Variants in WWP2 observed in about 807,000 individuals in gnomAD.
WWP2 encodes the protein NEDD4-like E3 ubiquitin-protein ligase WWP2.
In WWP2, 57 loss-of-function variants were observed where a neutral mutation model predicts 121.0. The ratio of observed to expected loss-of-function variants is 0.47; its 90% CI spans 0.38 to 0.59. The LOEUF (loss-of-function observed/expected upper bound fraction) is 0.59. Among genes scored for constraint, WWP2 ranks in the 20% least tolerant of loss-of-function variants. WWP2 has a pLI of 0.00. For missense variants in WWP2, 962 were observed against 1,158.9 expected (o/e 0.83, Z 2.47); for synonymous variants, 449 against 441.3 (o/e 1.02, Z -0.22).
At chr16:69,805,703 C>T (rs1407894882) in intron 4 of WWP2, among the ~76,000 whole-genome samples, 1 of 151,674 alleles carries the variant, frequency 6.6e-6, no homozygotes, top group African/African-American at 2.4e-5. Flanking sequence ...CTCTACCTCC[C>T]AGGCTCAAGC....
At chr16:69,936,482 CA>C in intron 19 of WWP2, 30 bp downstream of exon 19, 1 of 1,612,574 alleles carries the variant, frequency 6.2e-7, no homozygotes, top group Non-Finnish European at 8.5e-7. Context: ...GGCTCCGCTC[CA>C]GGGGTGGCGT....
At chr16:69,860,676 CT>C (rs2057400855) in intron 6 of WWP2, among the ~76,000 whole-genome samples, 1 of 152,100 alleles carries the variant, frequency 6.6e-6, no homozygotes, top group African/African-American at 2.4e-5. Context: ...CTCCGTCCTG[CT>C]GAATTCCTGC....
chr16:69,898,645 CA>C (rs1464321918), intron 8 of WWP2, among the ~76,000 whole-genome samples: 2 of 152,008 alleles, frequency 1.3e-5, no homozygotes, highest in Non-Finnish European at 2.9e-5. Context: ...TATTTTTGTC[CA>C]TTTTTTATTT....
rs540609435 is a variant in WWP2, at chr16:69,938,268, C to A, written c.2343+616C>A. On this transcript the variant is annotated intron_variant, in intron 21 of 23. Transcript: ENST00000359154. ...GGCTCAAGCAGTCCTTCCATCTCAC[C>A]CTCCCAAAGTGCTGGGATTACAGGC... Among the ~76,000 whole-genome samples, 8 of 152,154 alleles carry A rather than the reference C, an allele frequency of 5.3e-5. No individual in the cohort carries two copies. In the East Asian group the frequency reaches 1.5e-3, roughly 29 times the overall value.
rs2058862208 is a variant in WWP2, at chr16:69,940,215, C to T, written c.*275C>T. The T allele has an allele frequency of 6.1e-6, 3 of 489,546 alleles. No individual in the cohort carries two copies. The highest frequency in any genetic ancestry group is 1.1e-5 in the Non-Finnish European group (3 of 274,150). 30.3% of individuals were successfully genotyped at this position (489,546 alleles called of 1,614,324 possible). A position where few individuals can be genotyped will look rare whatever the true frequency, so the allele number is the denominator to read the frequency against. On this transcript the variant is annotated 3_prime_UTR_variant, in exon 24 of 24. Coordinates refer to ENST00000359154, the MANE Select transcript of WWP2 (RefSeq NM_001270454.2). ...GCTGACCCTCTCTGCAAAACTCTCC[C>T]CTGTCCTCTAGACCCCACCCTGGGT...
At chr16:69,906,976 GAC>G (rs1227779638) in intron 8 of WWP2, among the ~76,000 whole-genome samples, 1 of 152,194 alleles carries the variant, frequency 6.6e-6, no homozygotes, top group Admixed American at 6.5e-5. Flanking sequence ...ATTTGTCAAT[GAC>G]ACATTAAAAA....
intron 4 of WWP2, among the ~76,000 whole-genome samples, chr16:69,805,418 T>C: frequency 6.6e-6 from 1 of 152,174 alleles, no homozygotes; most frequent in East Asian, 1.9e-4. Context: ...TTTGTGTTAG[T>C]TGCTTTGCAT....
chr16:69,812,476 CCT>C (rs1567679789), intron 4 of WWP2, among the ~76,000 whole-genome samples: 20 of 125,830 alleles, frequency 1.6e-4, no homozygotes, highest in Non-Finnish European at 1.8e-4. Context: ...CAACCCCCCC[CCT>C]TTTTTTTTTT....
chr16:69,926,790 A>G (rs181326491), intron 11 of WWP2, among the ~76,000 whole-genome samples: 4 of 152,312 alleles, frequency 2.6e-5, no homozygotes, highest in African/African-American at 7.2e-5. Context: ...AGCAACTCCA[A>G]TGCGAGAGAG....
rs1474912640 is a variant in WWP2 at position 69,861,662 on chromosome 16, T to C, written c.576-10142T>C. On this transcript the variant is annotated intron_variant, in intron 6 of 23. Transcript: ENST00000359154. ...GCCCTCTCCTTTTTTTTTTTTTTTC[T>C]AATCCACATTTGAGTGGGGAGGAAG... Among the ~76,000 whole-genome samples, 5 of 137,296 alleles carry C rather than the reference T, an allele frequency of 3.6e-5. No individual in the cohort carries two copies. The East Asian group carries it at 8.9e-4, about 25-fold the overall frequency. The allele number at this position is 137,296 out of a possible 152,430, so 90.1% of individuals were successfully genotyped here.
chr16:69,820,313 C>T lies in WWP2; in HGVS notation c.341-19813C>T, dbSNP rs970187760. Among the ~76,000 whole-genome samples, 8 of 152,290 alleles carry T rather than the reference C, an allele frequency of 5.3e-5. No homozygotes were observed. In the South Asian group the frequency reaches 6.2e-4, roughly 12 times the overall value. On this transcript the variant is annotated intron_variant, in intron 4 of 23. Transcript: ENST00000359154. ...GCTGGAGTGCAGTGGTGCATCTCAG[C>T]TCACTGCAACCTCCGCCTCCTGGGT...
At chr16:69,803,428 A>G (rs1371791913) in intron 4 of WWP2, among the ~76,000 whole-genome samples, 1 of 152,100 alleles carries the variant, frequency 6.6e-6, no homozygotes, top group Non-Finnish European at 1.5e-5. Context: ...TAGTGACATG[A>G]ATTCCTATTT....
intron 23 of WWP2, 56 bp from the exon 24 acceptor site, chr16:69,939,785 G>T: frequency 1.3e-6 from 2 of 1,512,864 alleles, no homozygotes; most frequent in South Asian, 1.2e-5. Flanking sequence ...GCATGGTGGG[G>T]CTATCAGAGC....
chr16:69,777,080 CAG>C (rs1445774180), intron 1 of WWP2, among the ~76,000 whole-genome samples: 1 of 146,832 alleles, frequency 6.8e-6, no homozygotes, highest in African/African-American at 2.6e-5. Context: ...TATTTTAAAA[CAG>C]TATATGGATA....
intron 4 of WWP2, among the ~76,000 whole-genome samples, chr16:69,829,932 A>G (rs1416411928): frequency 6.7e-6 from 1 of 150,106 alleles, no homozygotes; most frequent in Non-Finnish European, 1.5e-5. Context: ...CTGGGACCAT[A>G]GGCACACGCC....
intron 6 of WWP2, among the ~76,000 whole-genome samples, chr16:69,850,278 T>C (rs1044955441): frequency 2.0e-5 from 3 of 151,238 alleles, no homozygotes; most frequent in Admixed American, 2.0e-4. Context: ...TCCCAGCTAC[T>C]CGGGAGGCTG....
At chr16:69,796,033 C>G (rs80121670) in intron 2 of WWP2, among the ~76,000 whole-genome samples, 6,729 of 147,806 alleles carry the variant, frequency 0.046, 524 homozygotes, top group African/African-American at 0.16. Context: ...TTTTTTTTTG[C>G]GATGATGGGC....
rs1213367186 is a variant in WWP2, at chr16:69,846,722, G to GA, written c.575+4615dup. Among the ~76,000 whole-genome samples, 997 of 123,818 alleles carry GA rather than the reference G, an allele frequency of 8.1e-3. 15 individuals carry two copies. The highest frequency in any genetic ancestry group is 0.024 in the African/African-American group (802 of 33,668). 81.2% of individuals were successfully genotyped at this position (123,818 alleles called of 152,430 possible). On this transcript the variant is annotated intron_variant, in intron 6 of 23. Coordinates refer to ENST00000359154, the MANE Select transcript of WWP2 (RefSeq NM_001270454.2). ...GTGATGGAGTGAGACTCTGTCTCAA[G>GA]AAAAAAAAAAAAAGAAAAAAGAATG...
chr16:69,834,644 A>G (rs2056845037), intron 4 of WWP2, among the ~76,000 whole-genome samples: 1 of 150,232 alleles, frequency 6.7e-6, no homozygotes, highest in Admixed American at 6.7e-5. Flanking sequence ...CTCCTGCCTC[A>G]GCCTCCCGAG....
Sources: gnomAD v4.1 joint callset for allele counts (sites outside exome capture counted in the v4.1 genomes callset) on GRCh38, gnomAD v4.1.1 for gene constraint, MANE v1.5 for transcripts, NCBI Gene and HGNC (gene_info 2026-07-23, HGNC 2026-07-21) for gene names.